MACROD2: variants seen among roughly 807,000 people sequenced by gnomAD.
The protein encoded by MACROD2 is mono-ADP ribosylhydrolase 2.
MACROD2 carries 36 observed loss-of-function variants against 70.4 expected under a neutral mutation model. That is an observed-to-expected ratio of 0.51 (90% CI 0.39 to 0.68). The LOEUF (loss-of-function observed/expected upper bound fraction) is 0.68, where lower values mean the gene tolerates loss of function less well. Among genes scored for constraint, MACROD2 ranks in the 30% least tolerant of loss-of-function variants. The probability of loss-of-function intolerance (pLI) is 0.00; values close to 1 mark genes in which losing one functional copy is unlikely to be tolerated. For missense variants in MACROD2, 496 were observed against 538.4 expected (o/e 0.92, Z 0.78); for synonymous variants, 172 against 178.8 (o/e 0.96, Z 0.30).
At chr20:15,265,722 A>G (rs2077288373) in intron 6 of MACROD2, among the ~76,000 whole-genome samples, 1 of 152,136 alleles carries the variant, frequency 6.6e-6, no homozygotes, top group Non-Finnish European at 1.5e-5. Context: ...CTTACTGAAA[A>G]GAAAATAAAA....
At chr20:15,823,570 A>G (rs979781745) in intron 8 of MACROD2, among the ~76,000 whole-genome samples, 4 of 152,232 alleles carry the variant, frequency 2.6e-5, no homozygotes, top group African/African-American at 4.8e-5. Flanking sequence ...CAGGAAAAAA[A>G]GAGATTTACA....
intron 8 of MACROD2, among the ~76,000 whole-genome samples, chr20:15,821,435 G>A (rs1313763683): frequency 6.6e-6 from 1 of 151,988 alleles, no homozygotes; most frequent in African/African-American, 2.4e-5. Context: ...TATATTGGGT[G>A]CTAATAATAC....
intron 6 of MACROD2, among the ~76,000 whole-genome samples, chr20:15,344,998 C>T (rs1283460618): frequency 6.6e-6 from 1 of 152,168 alleles, no homozygotes; most frequent in Non-Finnish European, 1.5e-5. Context: ...CGTGGTTGAA[C>T]TCTGGTGAGA....
At position 15,400,346 on chromosome 20, in the gene MACROD2, G is replaced by A. The variant is rs77606650; in HGVS notation, c.541-31059G>A. Among the ~76,000 whole-genome samples the A allele has an allele frequency of 7.7e-3, 1,180 of 152,270 alleles. 6 individuals are homozygous for A. The highest frequency in any genetic ancestry group is 0.012 in the Non-Finnish European group (813 of 68,036). ...TTAGTGTGGCTCAGCACAGATGCTT[G>A]TTGCTTTCTGAAAGCATCCACTGAC... On this transcript the variant is annotated intron_variant, in intron 6 of 17. Coordinates refer to ENST00000684519, the MANE Select transcript of MACROD2 (RefSeq NM_001351661.2).
chr20:15,005,033 A>G (rs1193799743), intron 5 of MACROD2, among the ~76,000 whole-genome samples: 1 of 152,216 alleles, frequency 6.6e-6, no homozygotes, highest in Non-Finnish European at 1.5e-5. Context: ...CAATGTATTC[A>G]TTAGTGATAA....
At position 13,995,854 on chromosome 20, in the gene MACROD2, G is replaced by C; in HGVS notation, c.46+45G>C. 1 of 1,480,078 alleles carries C rather than the reference G, an allele frequency of 6.8e-7. No homozygotes were observed. Among genetic ancestry groups the C allele is most frequent in the Non-Finnish European group, 9.2e-7 (1 of 1,085,970 alleles). The allele number at this position is 1,480,078 out of a possible 1,614,324, so 91.7% of individuals were successfully genotyped here. ...CTGGGGGTGCGGGCGGTGGGGGTTA[G>C]GGTGGGGGCGGGGGTCAGGCTGTGT... On this transcript the variant is annotated intron_variant, in intron 1 of 17. Coordinates refer to ENST00000684519, the MANE Select transcript of MACROD2 (RefSeq NM_001351661.2). The surrounding 1 kb of genome is among the most constrained non-coding windows in gnomAD (Gnocchi z 4.3).
At chr20:15,339,107 G>C (rs1027497133) in intron 6 of MACROD2, among the ~76,000 whole-genome samples, 5 of 151,758 alleles carry the variant, frequency 3.3e-5, no homozygotes, top group African/African-American at 9.7e-5. Context: ...ACCGTGATTA[G>C]AAGCTCAAAA....
chr20:15,634,607 A>C (rs1001021871), intron 8 of MACROD2, among the ~76,000 whole-genome samples: 2 of 152,230 alleles, frequency 1.3e-5, no homozygotes, highest in African/African-American at 4.8e-5. Flanking sequence ...TGGGGATTAA[A>C]ATTGCCACAA....
At chr20:14,925,908 T>C (rs56018512) in intron 5 of MACROD2, among the ~76,000 whole-genome samples, 23,953 of 152,198 alleles carry the variant, frequency 0.16, 2,061 homozygotes, top group Non-Finnish European at 0.19. Flanking sequence ...TTATATAGTA[T>C]GTTCCTGACC....
intron 3 of MACROD2, among the ~76,000 whole-genome samples, chr20:14,294,593 T>A (rs2082412135): frequency 6.6e-6 from 1 of 151,854 alleles, no homozygotes; most frequent in African/African-American, 2.4e-5. Flanking sequence ...AGCTTGAATA[T>A]TTTGTAGGCA....
intron 8 of MACROD2, among the ~76,000 whole-genome samples, chr20:15,583,943 G>C (rs180689893): frequency 1.3e-5 from 2 of 152,384 alleles, no homozygotes; most frequent in East Asian, 3.9e-4. Flanking sequence ...CCGGCCTGCT[G>C]TGGGTATTTT....
chr20:14,588,714 G>A (rs533902718), intron 4 of MACROD2, among the ~76,000 whole-genome samples: 3 of 152,106 alleles, frequency 2.0e-5, no homozygotes, highest in Admixed American at 6.5e-5. Flanking sequence ...CACCTGCCTC[G>A]GCCTCCCAAA....
chr20:15,797,776 AC>A (rs1182292849), intron 8 of MACROD2, among the ~76,000 whole-genome samples: 7 of 152,150 alleles, frequency 4.6e-5, no homozygotes, highest in Non-Finnish European at 8.8e-5. Flanking sequence ...CATCAAAATC[AC>A]CTGAAGGGCT....
intron 4 of MACROD2, among the ~76,000 whole-genome samples, chr20:14,654,545 CAA>C (rs202212319): frequency 2.9e-4 from 24 of 83,692 alleles, no homozygotes; most frequent in Admixed American, 3.8e-4. Flanking sequence ...GACTCCATCT[CAA>C]AAAAAAAAAA....
At chr20:15,387,531 CCT>C (rs1568768280) in intron 6 of MACROD2, among the ~76,000 whole-genome samples, 1 of 150,764 alleles carries the variant, frequency 6.6e-6, no homozygotes, top group East Asian at 2.0e-4. Context: ...TTTATTTCTC[CCT>C]CTCCTTTCTC....
At chr20:15,726,226 C>G (rs189532705) in intron 8 of MACROD2, among the ~76,000 whole-genome samples, 1 of 152,116 alleles carries the variant, frequency 6.6e-6, no homozygotes, top group South Asian at 2.1e-4. Context: ...ATAATTGCCC[C>G]CAGCTTGATC....
At chr20:14,843,163 CTTTT>C (rs11389584) in intron 5 of MACROD2, among the ~76,000 whole-genome samples, 1 of 119,264 alleles carries the variant, frequency 8.4e-6, no homozygotes, top group African/African-American at 3.2e-5. Context: ...TGTTCATTAA[CTTTT>C]TTTTTTTTTT....
rs6034067 is a variant in MACROD2 at position 14,936,279 on chromosome 20, C to A, written c.418+251320C>A. On this transcript the variant is annotated intron_variant, in intron 5 of 17. Transcript: ENST00000684519. ...AGAAGAGCATTTGAGGCAGAAGGAACAAGTGAAAATGCCCTGAGATAAGAA... is the reference window on the plus strand; with the variant it reads ...AGAAGAGCATTTGAGGCAGAAGGAAAAAGTGAAAATGCCCTGAGATAAGAA... Among the ~76,000 whole-genome samples, 472 of 152,196 alleles carry A rather than the reference C, an allele frequency of 3.1e-3. 3 individuals are homozygous for A. Among genetic ancestry groups the A allele is most frequent in the African/African-American group, 0.011 (444 of 41,524 alleles).
intron 5 of MACROD2, among the ~76,000 whole-genome samples, chr20:14,881,562 G>T (rs2073611460): frequency 6.6e-6 from 1 of 151,922 alleles, no homozygotes; most frequent in African/African-American, 2.4e-5. Flanking sequence ...GAAGTTTCGG[G>T]GTAGCTCTCT....
Sources: allele counts gnomAD v4.1 joint callset (sites outside exome capture counted in the v4.1 genomes callset), GRCh38; gene constraint gnomAD v4.1.1; non-coding constraint Gnocchi (gnomAD v3.1); transcripts MANE v1.5; gene names NCBI Gene and HGNC (gene_info 2026-07-23, HGNC 2026-07-21).